The following CACNA1C variants were observed in gnomAD, a reference collection of about 807,000 sequenced individuals.
CACNA1C encodes calcium voltage-gated channel subunit alpha1 C.
CACNA1C carries 30 observed loss-of-function variants against 229.0 expected under a neutral mutation model. That is an observed-to-expected ratio of 0.13 (90% confidence interval 0.10 to 0.18). The LOEUF is 0.18. CACNA1C is among the 10% of genes least tolerant of loss of function. The pLI, the probability that CACNA1C is intolerant of heterozygous loss-of-function variation, is 1.00. For synonymous variants in CACNA1C, 1,114 were observed against 1,132.5 expected, an observed-to-expected ratio of 0.98 and a Z score of 0.33; for missense variants, 1,658 against 2,845.0, an observed-to-expected ratio of 0.58 and a Z score of 9.49.
At chr12:2,001,416 T>C (rs2042172466) in intron 1 of CACNA1C, among the ~76,000 whole-genome samples, 1 of 152,164 alleles carries the variant, frequency 6.6e-6, no homozygotes, top group Admixed American at 6.5e-5. Flanking sequence ...ATCTAACAAG[T>C]GCTAAAGAAA....
At chr12:2,615,334 T>C (rs1407390796) in intron 29 of CACNA1C, among the ~76,000 whole-genome samples, 1 of 152,244 alleles carries the variant, frequency 6.6e-6, no homozygotes, top group Non-Finnish European at 1.5e-5. Context: ...AAGATACTCT[T>C]ATAGATTTGA....
intron 5 of CACNA1C, among the ~76,000 whole-genome samples, chr12:2,477,466 T>C (rs1273946394): frequency 6.6e-6 from 1 of 152,184 alleles, no homozygotes; most frequent in South Asian, 2.1e-4. Context: ...AGCCACTCTG[T>C]CTTATCTGCG....
At chr12:2,279,145 A>T (rs567756777) in intron 3 of CACNA1C, among the ~76,000 whole-genome samples, 24 of 152,154 alleles carry the variant, frequency 1.6e-4, no homozygotes, top group South Asian at 2.1e-4. Context: ...AGTTTTTTTT[A>T]AAATCAGATA....
At chr12:2,080,473 C>T (rs529048924) in intron 1 of CACNA1C, among the ~76,000 whole-genome samples, 13 of 151,578 alleles carry the variant, frequency 8.6e-5, no homozygotes, top group African/African-American at 2.2e-4. Flanking sequence ...TGGTGGCAGG[C>T]GCCTGTAATC....
Position 2,486,096 on chromosome 12 carries a change from C to A in CACNA1C, c.758-8C>A. 1.3e-6 allele frequency: 2 copies of A among 1,593,578 alleles called. No homozygotes were observed. Among genetic ancestry groups the A allele is most frequent in the Non-Finnish European group, 8.6e-7 (1 of 1,168,790 alleles). On this transcript the variant is annotated splice_polypyrimidine_tract_variant and splice_region_variant and intron_variant, in intron 5 of 46. Coordinates refer to ENST00000399655, the MANE Select transcript of CACNA1C (RefSeq NM_000719.7). This position sits in a 1 kb window ranked among gnomAD's most constrained non-coding sequence, Gnocchi z 4.9. ...TGCTTGGTTCAGTGAGTGGCTCTGT[C>A]CCCGCAGGTCTCCAGGTGGTCCTGA... is the stretch of plus-strand genomic sequence containing the variant.
In CACNA1C at chr12:2,215,486, C is replaced by T. The variant is rs955357002; in HGVS notation, c.477+95056C>T. Among the ~76,000 whole-genome samples the T allele has an allele frequency of 1.6e-4, 24 of 152,162 alleles. No individual in the cohort carries two copies. Among genetic ancestry groups the T allele is most frequent in the Admixed American group, 2.6e-4 (4 of 15,278 alleles). On this transcript the variant is annotated intron_variant, in intron 3 of 46. Transcript: ENST00000399655. The surrounding 1 kb of genome is among the most constrained non-coding windows in gnomAD (Gnocchi z 5.0). ...CTCCTAGGCTTGGTTCCTCTCCTTC[C>T]TCGGGGCCTGATTCCTCCAGCTCAT...
At chr12:2,186,069 A>G (rs535134482) in intron 3 of CACNA1C, among the ~76,000 whole-genome samples, 1 of 151,432 alleles carries the variant, frequency 6.6e-6, no homozygotes, top group South Asian at 2.1e-4. Context: ...CTACGGCCAG[A>G]CTCGCCTCAG....
intron 3 of CACNA1C, among the ~76,000 whole-genome samples, chr12:2,298,836 C>T (rs962026823): frequency 6.6e-6 from 1 of 152,178 alleles, no homozygotes; most frequent in Non-Finnish European, 1.5e-5. Context: ...TCTCTGGAGT[C>T]CTCCCAGCCC....
intron 11 of CACNA1C, among the ~76,000 whole-genome samples, chr12:2,561,675 C>T (rs2047568088): frequency 6.6e-6 from 1 of 152,030 alleles, no homozygotes; most frequent in African/African-American, 2.4e-5. Flanking sequence ...AGAGGAAGGC[C>T]CAGTGTAGGG....
Position 2,605,002 on chromosome 12 carries a change from G to T in CACNA1C, c.2961-79G>T. The T allele has an allele frequency of 9.4e-7, 1 of 1,065,548 alleles. No individual in the cohort carries two copies. The highest frequency in any genetic ancestry group is 2.4e-5 in the East Asian group (1 of 42,128). The allele number at this position is 1,065,548 out of a possible 1,614,324, so 66.0% of individuals were successfully genotyped here. ...AGGTTTGCCTCGGATTCACCTGTCA[G>T]GACATTCCCTTACCACATTATTTTT... is the stretch of plus-strand genomic sequence containing the variant. On this transcript the variant is annotated intron_variant, in intron 22 of 46. Coordinates refer to ENST00000399655, the MANE Select transcript of CACNA1C (RefSeq NM_000719.7). The surrounding 1 kb of genome is among the most constrained non-coding windows in gnomAD (Gnocchi z 6.2).
Position 2,692,883 on chromosome 12 carries a change from C to T in CACNA1C, c.*1684C>T, listed in dbSNP as rs558347656. ...ATTAAGTTGGTTTTCGGATTCACTT[C>T]TTGTATATTTTGCTGCATGTAAAGT... On this transcript the variant is annotated 3_prime_UTR_variant, in exon 47 of 47. Coordinates refer to ENST00000399655, the MANE Select transcript of CACNA1C (RefSeq NM_000719.7). 1.3e-5 allele frequency: 2 copies of T among 152,678 alleles called. No homozygotes were observed. Among genetic ancestry groups the T allele is most frequent in the South Asian group, 2.1e-4 (1 of 4,824 alleles). 9.5% of individuals were successfully genotyped at this position (152,678 alleles called of 1,614,324 possible).
intron 3 of CACNA1C, among the ~76,000 whole-genome samples, chr12:2,241,394 T>A (rs956865074): frequency 6.6e-6 from 1 of 152,086 alleles, no homozygotes; most frequent in Admixed American, 6.5e-5. Flanking sequence ...CCAGATCTTT[T>A]TATCATGCCA....
intron 3 of CACNA1C, among the ~76,000 whole-genome samples, chr12:2,199,666 A>G (rs2097528257): frequency 6.6e-6 from 1 of 152,032 alleles, no homozygotes; most frequent in Non-Finnish European, 1.5e-5. Flanking sequence ...TTAGGGGCAA[A>G]CTGCATTCCA....
intron 3 of CACNA1C, among the ~76,000 whole-genome samples, chr12:2,155,338 C>A (rs945922179): frequency 3.3e-5 from 5 of 152,094 alleles, no homozygotes; most frequent in African/African-American, 4.8e-5. Context: ...GAGACTGCAA[C>A]CCAGAGAGCT....
At chr12:2,387,275 A>T (rs902624052) in intron 3 of CACNA1C, among the ~76,000 whole-genome samples, 2 of 152,138 alleles carry the variant, frequency 1.3e-5, no homozygotes, top group African/African-American at 2.4e-5. Context: ...ATTTGAGGTC[A>T]GGAGTTCGAG....
chr12:2,003,288 TAA>T (rs764514364), intron 1 of CACNA1C, among the ~76,000 whole-genome samples: 29 of 152,352 alleles, frequency 1.9e-4, no homozygotes, highest in Non-Finnish European at 3.8e-4. Context: ...TTTCCTAGAT[TAA>T]GTTTTGATGT....
chr12:2,610,724 A>G (rs1456452423), intron 28 of CACNA1C, 25 bp downstream of exon 28: 1 of 1,612,440 alleles, frequency 6.2e-7, no homozygotes, highest in Non-Finnish European at 8.5e-7. Flanking sequence ...GAGCACAGCC[A>G]TGGTGCTGCA....
chr12:2,234,377 G>A (rs895053845), intron 3 of CACNA1C, among the ~76,000 whole-genome samples: 7 of 152,230 alleles, frequency 4.6e-5, no homozygotes, highest in African/African-American at 1.7e-4. Flanking sequence ...CACTCAAGCT[G>A]TGGTGAGTTG....
At chr12:2,313,173 C>T (rs1029677754) in intron 3 of CACNA1C, among the ~76,000 whole-genome samples, 2 of 152,188 alleles carry the variant, frequency 1.3e-5, no homozygotes, top group African/African-American at 4.8e-5. Flanking sequence ...TGGGCTTCTC[C>T]ACTTTGCTCC....
Sources: allele counts gnomAD v4.1 joint callset (sites outside exome capture counted in the v4.1 genomes callset), GRCh38; gene constraint gnomAD v4.1.1; non-coding constraint Gnocchi (gnomAD v3.1); transcripts MANE v1.5; gene names NCBI Gene and HGNC (gene_info 2026-07-23, HGNC 2026-07-21).